Variants in GCSAML observed in about 807,000 individuals in gnomAD.
GCSAML encodes germinal center associated signaling and motility like.
GCSAML carries 9 observed loss-of-function variants against 13.0 expected under a neutral mutation model. The observed-to-expected ratio is 0.69, with a 90% confidence interval of 0.42 to 1.21. GCSAML has a LOEUF of 1.21. GCSAML is among the 50% of genes most tolerant of loss of function. The pLI, the probability that GCSAML is intolerant of heterozygous loss-of-function variation, is 0.00. For missense variants in GCSAML, 143 were observed against 153.4 expected (o/e 0.93, Z 0.36); for synonymous variants, 37 against 52.9 (o/e 0.70, Z 1.31).
At chr1:247,507,141 T>A (rs1246658380) in exon 1 of GCSAML, 2 of 152,200 alleles carry the variant, frequency 1.3e-5, no homozygotes, top group Non-Finnish European at 2.9e-5. Flanking sequence ...AATATGAGCC[T>A]GAAGGAAGAT....
At chr1:247,535,291 G>C (rs1022059481) in intron 2 of GCSAML, among the ~76,000 whole-genome samples, 3 of 152,036 alleles carry the variant, frequency 2.0e-5, no homozygotes, top group African/African-American at 7.2e-5. Flanking sequence ...CTCCAGCCTG[G>C]GCAACAGAGC....
In GCSAML at chr1:247,574,201, C is replaced by T; in HGVS notation, c.227C>T (p.Pro76Leu). ...EVCYTVINHI[P>L]HQRSSLSSND... ...TGCTACACTGTCATTAATCACATCCCCCATCAGAGATCCTCCCTGAGCTCC... is the reference window on the plus strand; with the variant it reads ...TGCTACACTGTCATTAATCACATCCTCCATCAGAGATCCTCCCTGAGCTCC... Residue 76 changes from proline to leucine, a missense_variant, in exon 5 of 5, where the codon CCC becomes CTC. Physicochemically the swap from Pro to Leu is moderately conservative, Grantham distance 98. Transcript: ENST00000366488. The T allele has an allele frequency of 6.2e-7, 1 of 1,613,820 alleles. No individual in the cohort carries two copies. The highest frequency in any genetic ancestry group is 2.2e-5 in the East Asian group (1 of 44,860).
intron 1 of GCSAML, among the ~76,000 whole-genome samples, chr1:247,522,057 C>G (rs557142520): frequency 1.3e-5 from 2 of 150,782 alleles, no homozygotes; most frequent in Non-Finnish European, 3.0e-5. Flanking sequence ...TGAGCAGCGT[C>G]TCTGCCCGAC....
At chr1:247,541,791 C>T (rs1667421247) in intron 2 of GCSAML, among the ~76,000 whole-genome samples, 2 of 151,988 alleles carry the variant, frequency 1.3e-5, no homozygotes, top group Non-Finnish European at 2.9e-5. Flanking sequence ...GGGCGGATCA[C>T]TTGAGGTCAG....
At chr1:247,511,129 T>C in intron 1 of GCSAML, among the ~76,000 whole-genome samples, 1 of 151,828 alleles carries the variant, frequency 6.6e-6, no homozygotes, top group East Asian at 1.9e-4. Flanking sequence ...GGAGTCTAAG[T>C]CTCTTATTAT....
At chr1:247,522,660 A>C (rs1458188155) in intron 1 of GCSAML, among the ~76,000 whole-genome samples, 3 of 152,198 alleles carry the variant, frequency 2.0e-5, no homozygotes, top group Non-Finnish European at 4.4e-5. Flanking sequence ...ACTCAGGGTT[A>C]AATGGATTAA....
At chr1:247,546,867 A>G (rs1241333445), upstream of GCSAML, among the ~76,000 whole-genome samples, 1 of 151,400 alleles carries the variant, frequency 6.6e-6, no homozygotes, top group Non-Finnish European at 1.5e-5. Flanking sequence ...AGGCAGGAGG[A>G]TCGCTTCAAC....
intron 4 of GCSAML, among the ~76,000 whole-genome samples, chr1:247,571,653 T>G (rs892893234): frequency 2.0e-5 from 3 of 152,194 alleles, no homozygotes; most frequent in Non-Finnish European, 4.4e-5. Context: ...CATTTCAACG[T>G]CGGTGAATCT....
chr1:247,532,735 A>C, intron 2 of GCSAML: 2 of 556,926 alleles, frequency 3.6e-6, no homozygotes, highest in East Asian at 3.0e-5. Context: ...TAGGTTGAGA[A>C]TACAGGCACG....
At chr1:247,561,513 T>G (rs762389364) in intron 2 of GCSAML, among the ~76,000 whole-genome samples, 2 of 152,172 alleles carry the variant, frequency 1.3e-5, no homozygotes, top group Non-Finnish European at 2.9e-5. Context: ...CTAACTATAT[T>G]TTTGTACCCA....
intron 2 of GCSAML, among the ~76,000 whole-genome samples, chr1:247,539,432 G>C (rs1014936726): frequency 6.6e-6 from 1 of 152,138 alleles, no homozygotes; most frequent in African/African-American, 2.4e-5. Context: ...GTTGACCCTC[G>C]TTCCTGAAAA....
rs1668336566 is a variant in GCSAML, at chr1:247,565,934, A to G, written c.143A>G (p.Gln48Arg). 6.4e-7 allele frequency: 1 copy of G among 1,556,998 alleles called. No individual in the cohort carries two copies. Among genetic ancestry groups the G allele is most frequent in the Non-Finnish European group, 8.6e-7 (1 of 1,159,290 alleles). Reference protein sequence around the residue: ...RKLQDQDKKSQEVSSTSNQEN... With the variant: ...RKLQDQDKKSREVSSTSNQEN... The stretch of plus-strand genomic sequence containing the variant: ...TTTTTTTTTTTTAATTCTCCAGGCC[A>G]AGAAGTTTCATCCACTTCTAATCAG... The change falls in exon 4 of 5, where the codon CAA (glutamine) becomes CGA (arginine). Residue 48 changes from glutamine to arginine, a missense_variant. Coordinates refer to ENST00000366488, the MANE Select transcript of GCSAML (RefSeq NM_145278.5).
At chr1:247,516,881 C>T (rs1267473852) in intron 1 of GCSAML, among the ~76,000 whole-genome samples, 4 of 151,986 alleles carry the variant, frequency 2.6e-5, no homozygotes, top group Admixed American at 6.6e-5. Context: ...TAATTATAGG[C>T]GAGATCTATG....
intron 1 of GCSAML, among the ~76,000 whole-genome samples, chr1:247,508,971 T>C (rs1219815769): frequency 6.6e-6 from 1 of 152,184 alleles, no homozygotes; most frequent in Non-Finnish European, 1.5e-5. Context: ...CTTAGAAACA[T>C]CTTGGCGATT....
In GCSAML at chr1:247,575,504, C is replaced by G. The variant is rs1461876127; in HGVS notation, c.*1122C>G. ...AGACCCTTTGCTAACCTGACATTTA[C>G]TTCAATTTTTCTTTTTCTATGTACT... On this transcript the variant is annotated 3_prime_UTR_variant, in exon 5 of 5. Coordinates refer to ENST00000366488, the MANE Select transcript of GCSAML (RefSeq NM_145278.5). 1 of 152,294 alleles carries G rather than the reference C, an allele frequency of 6.6e-6. No individual in the cohort carries two copies. The highest frequency in any genetic ancestry group is 3.4e-3 in the Middle Eastern group (1 of 294). The allele number at this position is 152,294 out of a possible 1,614,324, so 9.4% of individuals were successfully genotyped here.
At chr1:247,508,124 CCCA>C (rs986931226) in intron 1 of GCSAML, among the ~76,000 whole-genome samples, 53 of 152,302 alleles carry the variant, frequency 3.5e-4, no homozygotes, top group African/African-American at 1.2e-3. Flanking sequence ...AATTTACACT[CCCA>C]CCAACAGTGT....
intron 1 of GCSAML, among the ~76,000 whole-genome samples, chr1:247,508,384 G>A (rs1359917027): frequency 6.6e-6 from 1 of 151,948 alleles, no homozygotes; most frequent in Non-Finnish European, 1.5e-5. Context: ...TTGTAAATTT[G>A]TTTAAGTTCT....
intron 1 of GCSAML, among the ~76,000 whole-genome samples, chr1:247,518,997 G>GA (rs1251708784): frequency 2.0e-5 from 3 of 148,574 alleles, no homozygotes; most frequent in Admixed American, 6.7e-5. Flanking sequence ...TCTAAAAAAA[G>GA]AAAAAAGCGC....
chr1:247,531,731 G>A, intron 2 of GCSAML: 2 of 1,614,200 alleles, frequency 1.2e-6, no homozygotes, highest in Non-Finnish European at 8.5e-7. Flanking sequence ...GCTGGCTGGA[G>A]ATACATGAAG....
Sources: gnomAD v4.1 joint callset for allele counts (sites outside exome capture counted in the v4.1 genomes callset) on GRCh38, gnomAD v4.1.1 for gene constraint, MANE v1.5 for transcripts, NCBI Gene and HGNC (gene_info 2026-07-23, HGNC 2026-07-21) for gene names.